SIM1: variants seen among roughly 807,000 people sequenced by gnomAD.
The protein encoded by SIM1 is SIM bHLH transcription factor 1, also known as single-minded homolog 1.
In SIM1, 18 loss-of-function variants were observed where a neutral mutation model predicts 78.2. That is an observed-to-expected ratio of 0.23 (90% CI 0.16 to 0.34). The LOEUF is 0.34. Among genes scored for constraint, SIM1 ranks in the 10% least tolerant of loss-of-function variants. The pLI is 1.00. For missense variants in SIM1, 939 were observed against 975.1 expected (o/e 0.96, Z 0.49); for synonymous variants, 417 against 385.2 (o/e 1.08, Z -0.97).
intron 10 of SIM1, among the ~76,000 whole-genome samples, chr6:100,416,625 A>G (rs1264076964): frequency 6.6e-6 from 1 of 152,258 alleles, no homozygotes; most frequent in East Asian, 1.9e-4. Flanking sequence ...AAAATTAAAT[A>G]CAATTAAAAG....
intron 10 of SIM1, among the ~76,000 whole-genome samples, chr6:100,401,959 G>T (rs1770925487): frequency 6.6e-6 from 1 of 152,076 alleles, no homozygotes; most frequent in Non-Finnish European, 1.5e-5. Flanking sequence ...TTCAGACATG[G>T]GCGTATCCTC....
chr6:100,419,504 A>C (rs1004646557), intron 10 of SIM1, among the ~76,000 whole-genome samples: 1 of 152,226 alleles, frequency 6.6e-6, no homozygotes, highest in Admixed American at 6.5e-5. Context: ...ACAGAATAAC[A>C]TAACTCTGAC....
In SIM1 at chr6:100,390,981, G is replaced by C; in HGVS notation, c.1681C>G (p.Pro561Ala). The C allele has an allele frequency of 4.3e-6, 7 of 1,614,038 alleles. No individual in the cohort carries two copies. The highest frequency in any genetic ancestry group is 5.9e-6 in the Non-Finnish European group (7 of 1,180,002). The change falls in exon 12 of 12, where the codon CCC becomes GCC. Residue 561 changes from proline (P) to alanine (A), a missense_variant. This residue lies in a region of SIM1 where 556 missense variants were observed against 521.9 expected (regional missense o/e 1.07). Coordinates refer to ENST00000369208, the MANE Select transcript of SIM1 (RefSeq NM_005068.3). ...CTTATAAGAGTTTCAATTTTGCTGG[G>C]TTCATGTGGGCTACTTTGATACTGC... ...TEQYQSSPHE[P>A]SKIETLIRAT...
At chr6:100,396,252 G>A (rs1254503416) in intron 10 of SIM1, 1 of 165,278 alleles carries the variant, frequency 6.1e-6, no homozygotes. Flanking sequence ...GACCATCAGT[G>A]TTATTCCAAG....
In SIM1 at chr6:100,453,843, C is replaced by A; in HGVS notation, c.177G>T (p.Gly59=). ...YLKMRVVFPE[G]LGEAWGHSSR... is the part of the protein sequence containing the mutation. ...TTGAGTGGCCCCACGCCTCGCCGAG[C>A]CCTGTGGAGACACAGAAGCATCCTG... The change falls in exon 3 of 12, where the codon GGG becomes GGT. Residue 59 remains glycine (G), a splice_region_variant and synonymous_variant. Coordinates refer to ENST00000369208, the MANE Select transcript of SIM1 (RefSeq NM_005068.3). The A allele has an allele frequency of 6.2e-7, 1 of 1,609,402 alleles. No homozygotes were observed. The highest frequency in any genetic ancestry group is 8.5e-7 in the Non-Finnish European group (1 of 1,178,054).
intron 9 of SIM1, among the ~76,000 whole-genome samples, chr6:100,442,886 C>T (rs558651475): frequency 1.9e-4 from 29 of 152,098 alleles, no homozygotes; most frequent in Admixed American, 1.9e-3. Flanking sequence ...TTAATGTTTG[C>T]TGCTTTATGG....
rs71028024 is a variant in SIM1, at chr6:100,458,006, TTCTCTCTCTCTCTCTCTCTCTCTCTCTC to T, written c.176-4190_176-4163del. On this transcript the variant is annotated intron_variant, in intron 2 of 11. Coordinates refer to ENST00000369208, the MANE Select transcript of SIM1 (RefSeq NM_005068.3). ...GTCACACCGCTGTCTGTCTCTCTCTTTCTCTCTCTCTCTCTCTCTCTCTCTCTCTCTCTCTCTCTCTCTCTCTCTCTCT... is the reference window on the plus strand; with the variant it reads ...GTCACACCGCTGTCTGTCTCTCTCTTTCTCTCTCTCTCTCTCTCTCTCTCT... Among the ~76,000 whole-genome samples the T allele has an allele frequency of 5.3e-3, 479 of 90,310 alleles. 3 individuals carry two copies. The highest frequency in any genetic ancestry group is 0.018 in the African/African-American group (437 of 24,080). 59.2% of individuals were successfully genotyped at this position (90,310 alleles called of 152,430 possible).
intron 2 of SIM1, among the ~76,000 whole-genome samples, chr6:100,458,584 C>T (rs1197985994): frequency 6.6e-6 from 1 of 152,174 alleles, no homozygotes; most frequent in Admixed American, 6.5e-5. Context: ...GCTCCTGGGC[C>T]GGCCTGGGGA....
At chr6:100,461,700 C>T (rs1411463378) in intron 2 of SIM1, among the ~76,000 whole-genome samples, 2 of 152,150 alleles carry the variant, frequency 1.3e-5, no homozygotes, top group African/African-American at 4.8e-5. Flanking sequence ...TAAAAGACAA[C>T]GAGATCTCTT....
chr6:100,454,188 G>T (rs1220299882), intron 2 of SIM1, among the ~76,000 whole-genome samples: 1 of 152,112 alleles, frequency 6.6e-6, no homozygotes, highest in Non-Finnish European at 1.5e-5. Flanking sequence ...GGGCGTAAGG[G>T]CACTCTGCTT....
At chr6:100,462,234 T>C (rs1338617698) in intron 2 of SIM1, among the ~76,000 whole-genome samples, 2 of 152,202 alleles carry the variant, frequency 1.3e-5, no homozygotes, top group Non-Finnish European at 2.9e-5. Flanking sequence ...AAGTTCTCAT[T>C]TGTAAATAAA....
chr6:100,405,498 T>G (rs1771030267), intron 10 of SIM1, among the ~76,000 whole-genome samples: 1 of 152,238 alleles, frequency 6.6e-6, no homozygotes, highest in Non-Finnish European at 1.5e-5. Context: ...TTCACAAGAT[T>G]TCCCCCCATT....
At position 100,387,095 on chromosome 6, in the gene SIM1, C is replaced by T. The variant is rs905014182; in HGVS notation, c.*3266G>A. The T allele has an allele frequency of 6.6e-6, 1 of 152,014 alleles. No homozygotes were observed. Among genetic ancestry groups the T allele is most frequent in the African/African-American group, 2.4e-5 (1 of 41,434 alleles). The allele number at this position is 152,014 out of a possible 1,614,324, so 9.4% of individuals were successfully genotyped here. On this transcript the variant is annotated 3_prime_UTR_variant, in exon 12 of 12. Transcript: ENST00000369208. ...GCAGGTGAAATGGGCAATAAAGATA[C>T]TTATTATCACTAGAAACCAGAATTC... is the stretch of plus-strand genomic sequence containing the variant.
rs1263960106 is a variant in SIM1, at chr6:100,385,864, T to A, written c.*4497A>T. On this transcript the variant is annotated 3_prime_UTR_variant, in exon 12 of 12. Transcript: ENST00000369208. Reference sequence around the variant, plus strand: ...AATGACCACACTCTCACTTTTTGAGTTAAGCACTATCTGTACAACCCTTAC... The same window carrying A: ...AATGACCACACTCTCACTTTTTGAGATAAGCACTATCTGTACAACCCTTAC... 2.0e-5 allele frequency: 3 copies of A among 151,910 alleles called. No individual in the cohort carries two copies. Among genetic ancestry groups the A allele is most frequent in the African/African-American group, 4.8e-5 (2 of 41,376 alleles). The allele number at this position is 151,910 out of a possible 1,614,324, so 9.4% of individuals were successfully genotyped here. A position where few individuals can be genotyped will look rare whatever the true frequency, so the allele number is the denominator to read the frequency against.
Position 100,404,229 on chromosome 6 carries a change from C to T in SIM1, c.1168-10340G>A, listed in dbSNP as rs74460587. Among the ~76,000 whole-genome samples the T allele has an allele frequency of 2.7e-3, 416 of 152,270 alleles. 6 individuals are homozygous for T. Among genetic ancestry groups the T allele is most frequent in the African/African-American group, 9.5e-3 (394 of 41,560 alleles). ...TTCATTCCTGCTTCAACAGCATGTT[C>T]CAGACAGGTGCTCTGCATTCATCTG... On this transcript the variant is annotated intron_variant, in intron 10 of 11. Coordinates refer to ENST00000369208, the MANE Select transcript of SIM1 (RefSeq NM_005068.3).
At chr6:100,391,869 T>G (rs1562230275) in intron 11 of SIM1, among the ~76,000 whole-genome samples, 1 of 152,106 alleles carries the variant, frequency 6.6e-6, no homozygotes, top group African/African-American at 2.4e-5. Flanking sequence ...TTAGATTGTT[T>G]TTGAAGTAAG....
intron 10 of SIM1, among the ~76,000 whole-genome samples, chr6:100,412,667 G>GAAAA (rs1771255551): frequency 8.6e-6 from 1 of 115,986 alleles, no homozygotes; most frequent in Non-Finnish European, 1.8e-5. Context: ...GAGAGAGAGA[G>GAAAA]AGAGAGAAAG....
intron 9 of SIM1, among the ~76,000 whole-genome samples, chr6:100,426,575 A>G (rs1021924642): frequency 6.6e-6 from 1 of 152,240 alleles, no homozygotes; most frequent in Admixed American, 6.5e-5. Flanking sequence ...CATTATTTCT[A>G]TCATTTCAAC....
Position 100,389,931 on chromosome 6 carries a change from AT to A in SIM1, c.*429del, listed in dbSNP as rs1266579584. 2.5e-6 allele frequency: 1 copy of A among 393,158 alleles called. No homozygotes were observed. The highest frequency in any genetic ancestry group is 4.5e-6 in the Non-Finnish European group (1 of 223,158). The allele number at this position is 393,158 out of a possible 1,614,324, so 24.4% of individuals were successfully genotyped here. On this transcript the variant is annotated 3_prime_UTR_variant, in exon 12 of 12. Transcript: ENST00000369208. ...GTGACAGAGTCAAAGAAAATTACCC[AT>A]TTTTGATGTATTTACATTACATAGC...
Sources: gnomAD v4.1 joint callset for allele counts (sites outside exome capture counted in the v4.1 genomes callset) on GRCh38, gnomAD v4.1.1 for gene constraint, gnomAD v4.1.1 regional missense constraint, MANE v1.5 for transcripts, NCBI Gene and HGNC (gene_info 2026-07-23, HGNC 2026-07-21) for gene names.